The following DLG2 variants were observed in gnomAD, a reference collection of about 807,000 sequenced individuals.
The protein encoded by DLG2 is disks large homolog 2.
DLG2 carries 45 observed loss-of-function variants against 132.5 expected under a neutral mutation model. The ratio of observed to expected loss-of-function variants is 0.34; its 90% CI spans 0.27 to 0.44. DLG2 has a LOEUF of 0.44. Ranked by LOEUF, DLG2 falls within the 20% of genes least tolerant of loss-of-function variation. The pLI, the probability that DLG2 is intolerant of heterozygous loss-of-function variation, is 1.00. For synonymous variants in DLG2, 424 were observed against 419.6 expected, an observed-to-expected ratio of 1.01 and a Z score of -0.13; for missense variants, 1,045 against 1,196.9, an observed-to-expected ratio of 0.87 and a Z score of 1.87.
chr11:83,930,535 A>G lies in DLG2; in HGVS notation c.1341-52T>C, dbSNP rs754501374. The G allele has an allele frequency of 8.4e-6, 13 of 1,541,492 alleles. No homozygotes were observed. In the Admixed American group the frequency reaches 2.1e-4, roughly 25 times the overall value. ...TATGCATGGTTAGTACATACAAGGA[A>G]CACCTGTGCAACCAGTAGCATCTCA... On this transcript the variant is annotated intron_variant, in intron 14 of 27. Coordinates refer to ENST00000376104, the MANE Select transcript of DLG2 (RefSeq NM_001142699.3).
chr11:84,812,519 G>A (rs1234008863), intron 6 of DLG2, among the ~76,000 whole-genome samples: 1 of 152,116 alleles, frequency 6.6e-6, no homozygotes, highest in Non-Finnish European at 1.5e-5. Context: ...TGCAAATCCT[G>A]TGTCATGTGA....
At chr11:85,618,296 T>TA (rs1231542083) in intron 2 of DLG2, among the ~76,000 whole-genome samples, 1 of 152,142 alleles carries the variant, frequency 6.6e-6, no homozygotes, top group Non-Finnish European at 1.5e-5. Context: ...TCCCTTATAC[T>TA]AAAAAATATT....
chr11:85,395,042 C>CT (rs937930078), intron 3 of DLG2, among the ~76,000 whole-genome samples: 1 of 152,180 alleles, frequency 6.6e-6, no homozygotes, highest in African/African-American at 2.4e-5. Flanking sequence ...GACCATGCTT[C>CT]TGTCTGTAAG....
intron 6 of DLG2, among the ~76,000 whole-genome samples, chr11:84,930,453 G>A (rs576896828): frequency 6.6e-5 from 10 of 152,172 alleles, no homozygotes; most frequent in Non-Finnish European, 1.0e-4. Context: ...CTCCAACACT[G>A]CCTGATAATC....
chr11:84,118,899 C>T (rs1481411211), intron 9 of DLG2, among the ~76,000 whole-genome samples: 1 of 152,186 alleles, frequency 6.6e-6, no homozygotes, highest in Non-Finnish European at 1.5e-5. Context: ...TAATAATTCT[C>T]ACTGAGGCAT....
chr11:83,664,247 A>G (rs529834769), intron 18 of DLG2, among the ~76,000 whole-genome samples: 44 of 152,328 alleles, frequency 2.9e-4, no homozygotes, highest in African/African-American at 1.1e-3. Flanking sequence ...TCCAGTCCCA[A>G]ATAGGCAGCA....
chr11:85,148,962 C>T (rs1174535791), intron 5 of DLG2, among the ~76,000 whole-genome samples: 1 of 152,132 alleles, frequency 6.6e-6, no homozygotes, highest in Non-Finnish European at 1.5e-5. Flanking sequence ...CAGTTTTCTG[C>T]CTATAGCTAG....
At chr11:84,479,004 C>T (rs1360967653) in intron 7 of DLG2, among the ~76,000 whole-genome samples, 1 of 151,948 alleles carries the variant, frequency 6.6e-6, no homozygotes, top group Non-Finnish European at 1.5e-5. Context: ...CTCCTTTAGT[C>T]CATTATAATT....
At chr11:84,310,240 G>T (rs1018356677) in intron 7 of DLG2, among the ~76,000 whole-genome samples, 1 of 152,100 alleles carries the variant, frequency 6.6e-6, no homozygotes, top group East Asian at 1.9e-4. Flanking sequence ...TGCAAGACGC[G>T]GTGGAGAGAA....
intron 3 of DLG2, among the ~76,000 whole-genome samples, chr11:85,517,237 T>C (rs987489953): frequency 6.6e-5 from 10 of 151,990 alleles, no homozygotes; most frequent in African/African-American, 2.4e-4. Flanking sequence ...CCTATCATGA[T>C]TTAAAAAAAA....
At chr11:85,144,765 T>A (rs1030121965) in intron 5 of DLG2, among the ~76,000 whole-genome samples, 2 of 152,040 alleles carry the variant, frequency 1.3e-5, no homozygotes, top group African/African-American at 2.4e-5. Context: ...TTCTATATAT[T>A]TTTATACTAT....
rs114796528 is a variant in DLG2, at chr11:83,569,899, C to T, written c.1941-28041G>A. 6.3e-3 allele frequency among the ~76,000 whole-genome samples: 956 copies of T among 152,286 alleles called. 10 individuals are homozygous for T. The highest frequency in any genetic ancestry group is 0.021 in the African/African-American group (883 of 41,548). On this transcript the variant is annotated intron_variant, in intron 19 of 27. Transcript: ENST00000376104. Reference sequence around the variant, plus strand: ...CAAGCTGCAGCAGAACTGGGACATCCGTTTAAACAGGACAGCTCCATGGGA... The same window carrying T: ...CAAGCTGCAGCAGAACTGGGACATCTGTTTAAACAGGACAGCTCCATGGGA...
chr11:85,332,210 T>C (rs1206039451), intron 3 of DLG2, among the ~76,000 whole-genome samples: 1 of 152,232 alleles, frequency 6.6e-6, no homozygotes, highest in African/African-American at 2.4e-5. Flanking sequence ...GTTTCTATCA[T>C]GATTAGTGAT....
At chr11:85,445,374 G>A (rs2091961012) in intron 3 of DLG2, among the ~76,000 whole-genome samples, 1 of 152,082 alleles carries the variant, frequency 6.6e-6, no homozygotes, top group Non-Finnish European at 1.5e-5. Context: ...ATTGTGATAG[G>A]AGTCTCAAAA....
chr11:85,120,040 CAT>C (rs2074115384), intron 5 of DLG2, among the ~76,000 whole-genome samples: 2 of 152,014 alleles, frequency 1.3e-5, no homozygotes, highest in Non-Finnish European at 2.9e-5. Flanking sequence ...AATGCATATA[CAT>C]TGGATAGTGT....
chr11:84,961,448 G>C (rs1233482372), intron 6 of DLG2, among the ~76,000 whole-genome samples: 1 of 151,446 alleles, frequency 6.6e-6, no homozygotes, highest in Non-Finnish European at 1.5e-5. Context: ...CCTTTCTCCT[G>C]TATCCAATTC....
chr11:83,821,045 T>C (rs748895078), intron 17 of DLG2, among the ~76,000 whole-genome samples: 5 of 152,222 alleles, frequency 3.3e-5, no homozygotes, highest in Non-Finnish European at 7.3e-5. Flanking sequence ...ATTCATCACC[T>C]ATGAACACCT....
intron 6 of DLG2, among the ~76,000 whole-genome samples, chr11:84,631,010 TCTCTCTCTCACACA>T (rs1163835790): frequency 5.1e-4 from 66 of 129,690 alleles, no homozygotes; most frequent in African/African-American, 1.8e-3. Context: ...TCTCTCTCTC[TCTCTCTCTCACACA>T]CACACACACA....
chr11:85,582,138 T>C (rs916533632), intron 3 of DLG2, among the ~76,000 whole-genome samples: 4 of 152,134 alleles, frequency 2.6e-5, no homozygotes, highest in Non-Finnish European at 4.4e-5. Flanking sequence ...TGCATGCAAA[T>C]TGAGTAATCA....
Sources: allele counts gnomAD v4.1 joint callset (sites outside exome capture counted in the v4.1 genomes callset), GRCh38; gene constraint gnomAD v4.1.1; transcripts MANE v1.5; gene names NCBI Gene and HGNC (gene_info 2026-07-23, HGNC 2026-07-21).